ABCG8: variants seen among roughly 807,000 people sequenced by gnomAD.
ABCG8 encodes the protein ATP binding cassette subfamily G member 8.
In ABCG8, 81 loss-of-function variants were observed where a neutral mutation model predicts 71.3. The ratio of observed to expected loss-of-function variants is 1.14; its 90% CI spans 0.95 to 1.37. The LOEUF is 1.37. ABCG8 is among the 40% of genes most tolerant of loss of function. ABCG8 has a pLI of 0.00. For missense variants in ABCG8, 1,119 were observed against 866.2 expected, an observed-to-expected ratio of 1.29 and a Z score of -3.66; for synonymous variants, 451 against 354.7, an observed-to-expected ratio of 1.27 and a Z score of -3.05.
chr2:43,858,506 C>T (rs1669190730), intron 6 of ABCG8, among the ~76,000 whole-genome samples: 1 of 151,382 alleles, frequency 6.6e-6, no homozygotes, highest in Non-Finnish European at 1.5e-5. Context: ...GAATAGTACT[C>T]TCACTATCTA....
Position 43,839,019 on chromosome 2 carries a change from G to A in ABCG8, c.-35G>A. 3.9e-6 allele frequency: 6 copies of A among 1,547,304 alleles called. No individual in the cohort carries two copies. The East Asian group carries it at 1.2e-4, about 32-fold the overall frequency. ...TGGCAGGCAGCAGCTGGGTCTAAGA[G>A]AGCTGCAGCCCAGGGTCACAGACCT... On this transcript the variant is annotated 5_prime_UTR_variant, in exon 1 of 13. Coordinates refer to ENST00000272286, the MANE Select transcript of ABCG8 (RefSeq NM_022437.3).
chr2:43,875,113 G>A (rs1308744636), intron 10 of ABCG8, 33 bp from the exon 11 acceptor site: 7 of 1,614,074 alleles, frequency 4.3e-6, no homozygotes, highest in Non-Finnish European at 5.9e-6. Context: ...GAAGGTGCTG[G>A]CTTCATATCC....
At chr2:43,876,242 C>A (rs534358320) in intron 11 of ABCG8, among the ~76,000 whole-genome samples, 1 of 152,336 alleles carries the variant, frequency 6.6e-6, no homozygotes, top group East Asian at 1.9e-4. Flanking sequence ...GCTCCCTCGG[C>A]CCCAGTCCAT....
intron 3 of ABCG8, among the ~76,000 whole-genome samples, chr2:43,849,089 A>G (rs1018034494): frequency 3.5e-4 from 52 of 150,104 alleles, no homozygotes; most frequent in East Asian, 2.0e-4. Flanking sequence ...AGTTTCTTTT[A>G]TACTCTCAGC....
intron 11 of ABCG8, among the ~76,000 whole-genome samples, chr2:43,876,342 T>G (rs1415102177): frequency 6.6e-6 from 1 of 152,202 alleles, no homozygotes; most frequent in Non-Finnish European, 1.5e-5. Context: ...AGAGCCACCA[T>G]GGCCCTGTCT....
At chr2:43,866,496 C>G (rs1368075687) in intron 6 of ABCG8, among the ~76,000 whole-genome samples, 1 of 151,842 alleles carries the variant, frequency 6.6e-6, no homozygotes. Context: ...AACAAATTTA[C>G]AAGAAAAAAA....
chr2:43,852,885 A>T lies in ABCG8; in HGVS notation c.964+17A>T, dbSNP rs1241971280. ...ACTTCTATGGTGAGTCCCCAAGGCC[A>T]GCAGCCAGGGCCCTGGCACACAGGG... On this transcript the variant is annotated intron_variant, in intron 6 of 12. Transcript: ENST00000272286. The T allele has an allele frequency of 6.2e-7, 1 of 1,613,326 alleles. No individual in the cohort carries two copies. Among genetic ancestry groups the T allele is most frequent in the East Asian group, 2.2e-5 (1 of 44,872 alleles).
At position 43,849,354 on chromosome 2, in the gene ABCG8, G is replaced by A. The variant is rs1302882368; in HGVS notation, c.323-2230G>A. 3.3e-5 allele frequency among the ~76,000 whole-genome samples: 5 copies of A among 152,268 alleles called. 1 individual carries two copies. The South Asian group carries it at 6.2e-4, about 19-fold the overall frequency. ...TGGTGGAAGGCAAAGGGGAAGCAAG[G>A]TACATCTTACATGGTGGCAGGAGAG... On this transcript the variant is annotated intron_variant, in intron 3 of 12. Coordinates refer to ENST00000272286, the MANE Select transcript of ABCG8 (RefSeq NM_022437.3).
At chr2:43,843,147 C>A (rs770984198) in intron 1 of ABCG8, among the ~76,000 whole-genome samples, 7 of 152,210 alleles carry the variant, frequency 4.6e-5, no homozygotes, top group Non-Finnish European at 1.0e-4. Context: ...CCTGGTCTGT[C>A]TCGCTCCATC....
rs1407905710 is a variant in ABCG8 at position 43,881,137 on chromosome 2, T to G, written c.*3224T>G. 1 of 152,292 alleles carries G rather than the reference T, an allele frequency of 6.6e-6. No individual in the cohort carries two copies. The highest frequency in any genetic ancestry group is 2.4e-5 in the African/African-American group (1 of 41,474). The allele number at this position is 152,292 out of a possible 1,614,324, so 9.4% of individuals were successfully genotyped here. On this transcript the variant is annotated 3_prime_UTR_variant, in exon 13 of 13. Transcript: ENST00000272286. ...GCCACTAAGATACATCACCTGACTTTGTGAGTTCACCATTCGGTCTGCAAT... is the reference window on the plus strand; with the variant it reads ...GCCACTAAGATACATCACCTGACTTGGTGAGTTCACCATTCGGTCTGCAAT...
intron 10 of ABCG8, 36 bp downstream of exon 10, chr2:43,874,519 C>T (rs769800830): frequency 4.6e-6 from 7 of 1,509,286 alleles, no homozygotes; most frequent in Non-Finnish European, 6.4e-6. Context: ...TGCCCCCCAC[C>T]CACCAGGGTG....
chr2:43,878,077 G>A lies in ABCG8; in HGVS notation c.*164G>A, dbSNP rs1223544621. 4 of 991,954 alleles carry A rather than the reference G, an allele frequency of 4.0e-6. No homozygotes were observed. Among genetic ancestry groups the A allele is most frequent in the South Asian group, 1.4e-5 (1 of 71,634 alleles). The allele number at this position is 991,954 out of a possible 1,614,324, so 61.4% of individuals were successfully genotyped here. A position where few individuals can be genotyped will look rare whatever the true frequency, so the allele number is the denominator to read the frequency against. Reference sequence around the variant, plus strand: ...AGTGGCACAGACCAGCCACAGGATGGCAGTAGAATAAAGACAGTCGAAAGG... The same window carrying A: ...AGTGGCACAGACCAGCCACAGGATGACAGTAGAATAAAGACAGTCGAAAGG... On this transcript the variant is annotated 3_prime_UTR_variant, in exon 13 of 13. Transcript: ENST00000272286.
rs775757593 is a variant in ABCG8, at chr2:43,877,673, G to A, written c.1869G>A (p.Ala623=). 5.6e-6 allele frequency: 9 copies of A among 1,613,974 alleles called. No homozygotes were observed. The highest frequency in any genetic ancestry group is 4.4e-5 in the South Asian group (4 of 91,086). The change falls in exon 12 of 13, where the codon GCG becomes GCA. Residue 623 remains alanine, a synonymous_variant. Transcript: ENST00000272286. ...YKMPLGNLTI[A]VSGDKILSVM... Reference sequence around the variant, plus strand: ...TGCCTCTCGGGAACCTCACCATCGCGGTCTCAGGAGATAAAGTAAGCGGGG... The same window carrying A: ...TGCCTCTCGGGAACCTCACCATCGCAGTCTCAGGAGATAAAGTAAGCGGGG...
intron 4 of ABCG8, among the ~76,000 whole-genome samples, 156 bp downstream of exon 4, chr2:43,851,978 C>T (rs1572834559): frequency 6.6e-6 from 1 of 152,214 alleles, no homozygotes; most frequent in African/African-American, 2.4e-5. Context: ...GCCCACCCTC[C>T]ACCCTCCTTT....
chr2:43,855,498 C>T (rs1669072187), intron 6 of ABCG8, among the ~76,000 whole-genome samples: 1 of 152,132 alleles, frequency 6.6e-6, no homozygotes, highest in South Asian at 2.1e-4. Context: ...GGATAGAACT[C>T]CCACTATCTG....
At chr2:43,873,094 A>G (rs1266453528) in intron 8 of ABCG8, among the ~76,000 whole-genome samples, 2 of 152,114 alleles carry the variant, frequency 1.3e-5, no homozygotes, top group Non-Finnish European at 2.9e-5. Flanking sequence ...TAGTCTAGCC[A>G]TAATCACCCA....
In ABCG8 at chr2:43,852,809, A is replaced by T. The variant is rs1218900825; in HGVS notation, c.905A>T (p.Gln302Leu). The change falls in exon 6 of 13, where the codon CAG (glutamine) becomes CTG (leucine). Residue 302 changes from glutamine to leucine, a missense_variant. By Grantham distance (113) the Gln-to-Leu change is moderately radical. Coordinates refer to ENST00000272286, the MANE Select transcript of ABCG8 (RefSeq NM_022437.3). ...TTAGGGGCGGCCCAGCACATGGTCC[A>T]GTATTTCACAGCCATCGGCTACCCC... Reference protein sequence around the residue: ...IYLGAAQHMVQYFTAIGYPCP... With the variant: ...IYLGAAQHMVLYFTAIGYPCP... 5.6e-6 allele frequency: 9 copies of T among 1,614,042 alleles called. No individual in the cohort carries two copies. Among genetic ancestry groups the T allele is most frequent in the Non-Finnish European group, 7.6e-6 (9 of 1,180,038 alleles).
intron 6 of ABCG8, among the ~76,000 whole-genome samples, chr2:43,871,753 G>A (rs1160379437): frequency 1.3e-5 from 2 of 152,228 alleles, no homozygotes; most frequent in African/African-American, 4.8e-5. Context: ...TTACCCTGAG[G>A]CTTCTGCAGA....
At chr2:43,865,811 A>T (rs1017327626) in intron 6 of ABCG8, among the ~76,000 whole-genome samples, 2 of 148,048 alleles carry the variant, frequency 1.4e-5, no homozygotes, top group Non-Finnish European at 3.0e-5. Flanking sequence ...AACTTTCACT[A>T]TCTGTCTAGA....
Sources: gnomAD v4.1 joint callset for allele counts (sites outside exome capture counted in the v4.1 genomes callset) on GRCh38, gnomAD v4.1.1 for gene constraint, MANE v1.5 for transcripts, NCBI Gene and HGNC (gene_info 2026-07-23, HGNC 2026-07-21) for gene names.